PDE6B: variants seen among roughly 807,000 people sequenced by gnomAD.
The protein encoded by PDE6B is phosphodiesterase 6B.
Under a neutral mutation model 109.0 loss-of-function variants are expected in PDE6B, and 106 were observed. The ratio of observed to expected loss-of-function variants is 0.97; its 90% confidence interval spans 0.83 to 1.14. The LOEUF (loss-of-function observed/expected upper bound fraction) is 1.14. PDE6B is among the 50% of genes most tolerant of loss of function. The probability of loss-of-function intolerance (pLI) is 0.00; values close to 1 mark genes in which losing one functional copy is unlikely to be tolerated. For missense variants in PDE6B, 1,193 were observed against 1,155.6 expected, an observed-to-expected ratio of 1.03 and a Z score of -0.47; for synonymous variants, 490 against 471.3, an observed-to-expected ratio of 1.04 and a Z score of -0.51.
At chr4:655,526 C>T (rs570642883) in intron 6 of PDE6B, 10 of 354,236 alleles carry the variant, frequency 2.8e-5, no homozygotes, top group South Asian at 1.4e-4. Context: ...ATACGGCCTC[C>T]GGAGAGGGAG....
intron 1 of PDE6B, among the ~76,000 whole-genome samples, chr4:628,987 G>C (rs1409424598): frequency 1.3e-5 from 2 of 152,236 alleles, no homozygotes; most frequent in African/African-American, 4.8e-5. Context: ...GCCCAGGCCT[G>C]GGCATGGATT....
rs920663233 is a variant in PDE6B, at chr4:660,716, T to C, written c.1614+103T>C. 7 of 1,009,682 alleles carry C rather than the reference T, an allele frequency of 6.9e-6. No homozygotes were observed. The African/African-American group carries it at 1.1e-4, about 16-fold the overall frequency. 62.5% of individuals were successfully genotyped at this position (1,009,682 alleles called of 1,614,324 possible). A position where few individuals can be genotyped will look rare whatever the true frequency, so the allele number is the denominator to read the frequency against. ...CAGGTGCCCCAGAAGGTGAGGGGGA[T>C]GGGATTGGGGGTTCCAGATCCCACA... is the stretch of plus-strand genomic sequence containing the variant. On this transcript the variant is annotated intron_variant, in intron 12 of 21. Coordinates refer to ENST00000496514, the MANE Select transcript of PDE6B (RefSeq NM_000283.4).
At position 653,944 on chromosome 4, in the gene PDE6B, C is replaced by T. The variant is rs147372374; in HGVS notation, c.804C>T (p.Leu268=). ...CCTTCTACACGGTGCGGGCCTACCT[C>T]AACTGCGAGCGGTACTCCGTGGGCC... ...HKAFYTVRAY[L]NCERYSVGLL... is the part of the protein sequence containing the mutation. The change falls in exon 4 of 22, where the codon CTC becomes CTT. Residue 268 remains leucine (L), a synonymous_variant. Transcript: ENST00000496514. 8.6e-5 allele frequency: 138 copies of T among 1,613,912 alleles called. No individual in the cohort carries two copies. The African/African-American group carries it at 1.4e-3, about 16-fold the overall frequency.
intron 3 of PDE6B, among the ~76,000 whole-genome samples, chr4:641,866 T>TA (rs1348813727): frequency 1.3e-5 from 2 of 152,018 alleles, no homozygotes; most frequent in African/African-American, 4.8e-5. Context: ...AGGCTGGTCT[T>TA]AAACTCCTGA....
rs1560099123 is a variant in PDE6B at position 626,600 on chromosome 4, G to A, written c.468+506G>A. 6.6e-6 allele frequency among the ~76,000 whole-genome samples: 1 copy of A among 152,244 alleles called. No individual in the cohort carries two copies. On this transcript the variant is annotated intron_variant, in intron 1 of 21. Transcript: ENST00000496514. The surrounding 1 kb of genome is among the most constrained non-coding windows in gnomAD (Gnocchi z 4.6). ...GGAACCCCAAACTTCCACTGTGGCA[G>A]AAGCAGCTTTATCCCATGGGAGCCC...
Position 662,648 on chromosome 4 carries a change from A to T in PDE6B, c.1832+30A>T, listed in dbSNP as rs1737246599. ...GCACCTCAGGGCGGGCATGTGAATT[A>T]GCCCTAAATCAACTCCACGCCCTTG... On this transcript the variant is annotated intron_variant, in intron 14 of 21. Transcript: ENST00000496514. This position sits in a 1 kb window ranked among gnomAD's most constrained non-coding sequence, Gnocchi z 4.3. The T allele has an allele frequency of 7.4e-7, 1 of 1,350,866 alleles. No homozygotes were observed. The highest frequency in any genetic ancestry group is 1.7e-5 in the Admixed American group (1 of 59,712). The allele number at this position is 1,350,866 out of a possible 1,614,324, so 83.7% of individuals were successfully genotyped here.
intron 10 of PDE6B, 112 bp from the exon 11 acceptor site, chr4:658,840 A>G (rs1736683794): frequency 1.3e-6 from 1 of 791,860 alleles, no homozygotes; most frequent in Non-Finnish European, 2.2e-6. Flanking sequence ...CCAGGGTGAA[A>G]GCACAAGCTC....
rs761033291 is a variant in PDE6B at position 660,493 on chromosome 4, A to G, written c.1494A>G (p.Thr498=). Residue 498 remains threonine (T), a synonymous_variant, in exon 12 of 22, where the codon ACA becomes ACG. Transcript: ENST00000496514. ...AGGAGGAGCTGCCAGGGCCCACCACATTTGACATCTACGAATTCCACTTCT... is the reference window on the plus strand; with the variant it reads ...AGGAGGAGCTGCCAGGGCCCACCACGTTTGACATCTACGAATTCCACTTCT... The part of the protein sequence containing the change: ...ILKEELPGPT[T]FDIYEFHFSD... 5 of 1,613,942 alleles carry G rather than the reference A, an allele frequency of 3.1e-6. No individual in the cohort carries two copies. In the South Asian group the frequency reaches 5.5e-5, roughly 18 times the overall value.
In PDE6B at chr4:648,369, C is replaced by G. The variant is rs991196623; in HGVS notation, c.712-5483C>G. On this transcript the variant is annotated intron_variant, in intron 3 of 21. Coordinates refer to ENST00000496514, the MANE Select transcript of PDE6B (RefSeq NM_000283.4). The surrounding 1 kb of genome is among the most constrained non-coding windows in gnomAD (Gnocchi z 4.5). The stretch of plus-strand genomic sequence containing the variant: ...TAGGCATCCTGACTTGCAGGAGGCA[C>G]AGGCCTGCCTCACGGCTCTTTTTGA... Among the ~76,000 whole-genome samples the G allele has an allele frequency of 3.3e-5, 5 of 151,408 alleles. No homozygotes were observed. Among genetic ancestry groups the G allele is most frequent in the African/African-American group, 1.2e-4 (5 of 40,692 alleles).
rs566933284 is a variant in PDE6B at position 663,242 on chromosome 4, A to G, written c.1920+55A>G. On this transcript the variant is annotated intron_variant, in intron 15 of 21. Coordinates refer to ENST00000496514, the MANE Select transcript of PDE6B (RefSeq NM_000283.4). This position sits in a 1 kb window ranked among gnomAD's most constrained non-coding sequence, Gnocchi z 4.0. ...TGGGCGCTGGGGACGCAGCGTCCGC[A>G]GGACGGCAGGGCCGTATCCTGCGGA... The G allele has an allele frequency of 2.0e-6, 2 of 989,098 alleles. No homozygotes were observed. The highest frequency in any genetic ancestry group is 4.8e-5 in the East Asian group (2 of 42,056). The allele number at this position is 989,098 out of a possible 1,614,324, so 61.3% of individuals were successfully genotyped here. A position where few individuals can be genotyped will look rare whatever the true frequency, so the allele number is the denominator to read the frequency against.
rs779854203 is a variant in PDE6B, at chr4:634,694, A to T, written c.486A>T (p.Ser162=). 6.2e-7 allele frequency: 1 copy of T among 1,613,020 alleles called. No individual in the cohort carries two copies. Among genetic ancestry groups the T allele is most frequent in the Non-Finnish European group, 8.5e-7 (1 of 1,179,004 alleles). The change falls in exon 2 of 22, where the codon TCA becomes TCT. Residue 162 remains serine (S), a synonymous_variant. Transcript: ENST00000496514. ...EDVAECPHFS[S]FADELTDYKT... is the part of the protein sequence containing the mutation. ...TGCGGCAGTGCCCTCACTTCAGCTC[A>T]TTTGCTGACGAGCTCACTGACTACA...
Position 662,834 on chromosome 4 carries a change from TAAAAA to T in PDE6B, c.1832+234_1832+238del, listed in dbSNP as rs36093261. On this transcript the variant is annotated intron_variant, in intron 14 of 21. Coordinates refer to ENST00000496514, the MANE Select transcript of PDE6B (RefSeq NM_000283.4). This position sits in a 1 kb window ranked among gnomAD's most constrained non-coding sequence, Gnocchi z 4.3. ...GCAAGAGCTCTCCTCTACAAAAACT[TAAAAA>T]AAAAAAAAAAAAAAAAAGCTGTGTA... 4.3e-5 allele frequency among the ~76,000 whole-genome samples: 4 copies of T among 92,132 alleles called. No homozygotes were observed. Among genetic ancestry groups the T allele is most frequent in the Admixed American group, 2.4e-4 (2 of 8,492 alleles). 60.4% of individuals were successfully genotyped at this position (92,132 alleles called of 152,430 possible).
At chr4:639,964 C>G (rs1734870095) in intron 3 of PDE6B, among the ~76,000 whole-genome samples, 1 of 152,068 alleles carries the variant, frequency 6.6e-6, no homozygotes, top group Non-Finnish European at 1.5e-5. Flanking sequence ...CCCCACTGTA[C>G]TCCAGCCTGG....
chr4:664,932 A>G lies in PDE6B; in HGVS notation c.2181A>G (p.Glu727=). 6.2e-7 allele frequency: 1 copy of G among 1,612,790 alleles called. No homozygotes were observed. Among genetic ancestry groups the G allele is most frequent in the Non-Finnish European group, 8.5e-7 (1 of 1,179,510 alleles). The change falls in exon 18 of 22, where the codon GAA becomes GAG. Residue 727 remains glutamate, a synonymous_variant. Transcript: ENST00000496514. ...CDLSAITKPW[E]VQSKVALLVA... is the part of the protein sequence containing the mutation. ...TGTCTGCCATCACCAAGCCCTGGGAAGTCCAGAGCAAGGTTAGAACAGAGG... is the reference window on the plus strand; with the variant it reads ...TGTCTGCCATCACCAAGCCCTGGGAGGTCCAGAGCAAGGTTAGAACAGAGG...
chr4:663,942 C>T lies in PDE6B; in HGVS notation c.2021+72C>T. ...CTGGGACCCCCGGCAGACACGGGGG[C>T]GCAGCGGCGGCACAGCCCGGGGGAC... On this transcript the variant is annotated intron_variant, in intron 16 of 21. Transcript: ENST00000496514. The surrounding 1 kb of genome is among the most constrained non-coding windows in gnomAD (Gnocchi z 4.0). 8.2e-7 allele frequency: 1 copy of T among 1,215,760 alleles called. No individual in the cohort carries two copies. The highest frequency in any genetic ancestry group is 1.2e-6 in the Non-Finnish European group (1 of 854,804). The allele number at this position is 1,215,760 out of a possible 1,614,324, so 75.3% of individuals were successfully genotyped here. A position where few individuals can be genotyped will look rare whatever the true frequency, so the allele number is the denominator to read the frequency against.
chr4:629,017 G>C (rs1734251523), intron 1 of PDE6B, among the ~76,000 whole-genome samples: 1 of 152,196 alleles, frequency 6.6e-6, no homozygotes, highest in South Asian at 2.1e-4. Context: ...AAAACCTTGG[G>C]CTCAGGAACC....
At chr4:668,462 G>A (rs1379483806) in intron 21 of PDE6B, among the ~76,000 whole-genome samples, 54 of 119,728 alleles carry the variant, frequency 4.5e-4, no homozygotes, top group Middle Eastern at 6.4e-3. Flanking sequence ...ACCCCATGCT[G>A]CTCCCACTAC....
At position 661,844 on chromosome 4, in the gene PDE6B, T is replaced by G. The variant is rs560656264; in HGVS notation, c.1615-290T>G. ...CATCCCCAGGGGTCCTCCTCCCAGC[T>G]TGAGGCCAGGCAGTCGGATGGAGGC... On this transcript the variant is annotated intron_variant, in intron 12 of 21. Coordinates refer to ENST00000496514, the MANE Select transcript of PDE6B (RefSeq NM_000283.4). The G allele has an allele frequency of 1.6e-4, 77 of 476,044 alleles. 1 individual carries two copies. Among genetic ancestry groups the G allele is most frequent in the South Asian group, 1.5e-3 (74 of 48,578 alleles). The allele number at this position is 476,044 out of a possible 1,614,324, so 29.5% of individuals were successfully genotyped here. A position where few individuals can be genotyped will look rare whatever the true frequency, so the allele number is the denominator to read the frequency against.
chr4:630,801 G>C (rs1192723785), intron 1 of PDE6B, among the ~76,000 whole-genome samples: 1 of 152,240 alleles, frequency 6.6e-6, no homozygotes, highest in Non-Finnish European at 1.5e-5. Flanking sequence ...GGGTGTGGGG[G>C]CTGGTGAGAC....
Sources: allele counts gnomAD v4.1 joint callset (sites outside exome capture counted in the v4.1 genomes callset), GRCh38; gene constraint gnomAD v4.1.1; non-coding constraint Gnocchi (gnomAD v3.1); transcripts MANE v1.5; gene names NCBI Gene and HGNC (gene_info 2026-07-23, HGNC 2026-07-21).